The following CAMK1D variants were observed in gnomAD, a reference collection of about 807,000 sequenced individuals.
The protein encoded by CAMK1D is calcium/calmodulin-dependent protein kinase type 1D.
Under a neutral mutation model 47.7 loss-of-function variants are expected in CAMK1D, and 9 were observed. That is an observed-to-expected ratio of 0.19 (90% CI 0.11 to 0.33). The LOEUF is 0.33. Ranked by LOEUF, CAMK1D falls within the 10% of genes least tolerant of loss-of-function variation. The pLI, the probability that CAMK1D is intolerant of heterozygous loss-of-function variation, is 1.00. For missense variants in CAMK1D, 291 were observed against 488.7 expected (o/e 0.60, Z 3.81); for synonymous variants, 184 against 184.9 (o/e 0.99, Z 0.04).
intron 9 of CAMK1D, 21 bp downstream of exon 9, chr10:12,824,573 A>T: frequency 6.3e-7 from 1 of 1,596,006 alleles, no homozygotes. Context: ...AGTATATGAA[A>T]TTCCCCGTGG....
At chr10:12,611,019 A>T (rs1838602477) in intron 2 of CAMK1D, among the ~76,000 whole-genome samples, 1 of 152,206 alleles carries the variant, frequency 6.6e-6, no homozygotes. Context: ...TATTCAACCA[A>T]GTAACAAACC....
At chr10:12,381,032 A>G (rs978856164) in intron 1 of CAMK1D, among the ~76,000 whole-genome samples, 1 of 152,246 alleles carries the variant, frequency 6.6e-6, no homozygotes, top group Non-Finnish European at 1.5e-5. Flanking sequence ...AGTAGCTTGT[A>G]CATTTTTATG....
chr10:12,639,451 C>T (rs1839607004), intron 2 of CAMK1D, among the ~76,000 whole-genome samples: 1 of 152,190 alleles, frequency 6.6e-6, no homozygotes, highest in Admixed American at 6.5e-5. Context: ...CGCCATCGCA[C>T]TCCAGCTTGG....
chr10:12,616,191 C>T (rs989104522), intron 2 of CAMK1D, among the ~76,000 whole-genome samples: 1 of 151,964 alleles, frequency 6.6e-6, no homozygotes, highest in Non-Finnish European at 1.5e-5. Flanking sequence ...TGAGTGTGCA[C>T]ATGTGTGTTT....
intron 1 of CAMK1D, among the ~76,000 whole-genome samples, chr10:12,454,123 T>C (rs957140349): frequency 2.0e-5 from 3 of 152,198 alleles, no homozygotes; most frequent in Non-Finnish European, 4.4e-5. Flanking sequence ...TACTATATTA[T>C]GTGGACAGCA....
At chr10:12,362,907 T>A (rs1438729872) in intron 1 of CAMK1D, among the ~76,000 whole-genome samples, 1 of 151,084 alleles carries the variant, frequency 6.6e-6, no homozygotes, top group Non-Finnish European at 1.5e-5. Flanking sequence ...GCCTCCCACA[T>A]TGCTGGGATT....
chr10:12,696,839 ATG>A (rs143577472), intron 3 of CAMK1D, among the ~76,000 whole-genome samples: 2,165 of 152,318 alleles, frequency 0.014, 43 homozygotes, highest in African/African-American at 0.049. Context: ...GCTTATGAAG[ATG>A]TGTCAGTTTT....
intron 1 of CAMK1D, among the ~76,000 whole-genome samples, chr10:12,507,054 C>T (rs192293299): frequency 1.4e-4 from 22 of 152,276 alleles, no homozygotes; most frequent in African/African-American, 5.1e-4. Flanking sequence ...TTGGGTTGTT[C>T]GTTGGAATGC....
chr10:12,449,984 C>T (rs1199302453), intron 1 of CAMK1D, among the ~76,000 whole-genome samples: 1 of 151,876 alleles, frequency 6.6e-6, no homozygotes, highest in African/African-American at 2.4e-5. Context: ...GGCGACAGAG[C>T]GAGACTCCAT....
intron 6 of CAMK1D, among the ~76,000 whole-genome samples, chr10:12,801,380 A>ATCTG (rs1476835558): frequency 1.6e-4 from 24 of 147,186 alleles, no homozygotes; most frequent in Admixed American, 1.6e-3. Context: ...CTATCTATCT[A>ATCTG]TCTATCTATC....
At chr10:12,799,986 C>G (rs1838357772) in intron 6 of CAMK1D, among the ~76,000 whole-genome samples, 1 of 152,104 alleles carries the variant, frequency 6.6e-6, no homozygotes. Flanking sequence ...TCCTAATCTG[C>G]TTACTCCTTC....
intron 2 of CAMK1D, among the ~76,000 whole-genome samples, chr10:12,563,600 C>T (rs1837014995): frequency 6.6e-6 from 1 of 150,950 alleles, no homozygotes; most frequent in Non-Finnish European, 1.5e-5. Context: ...TTATCCATTA[C>T]ATTGACCAAG....
intron 1 of CAMK1D, among the ~76,000 whole-genome samples, chr10:12,486,182 A>C (rs1834208499): frequency 6.7e-6 from 1 of 148,718 alleles, no homozygotes; most frequent in Admixed American, 6.7e-5. Context: ...TTTTTGAGAC[A>C]GAGTCTCGCT....
At chr10:12,422,117 C>T (rs1269981093) in intron 1 of CAMK1D, among the ~76,000 whole-genome samples, 3 of 152,104 alleles carry the variant, frequency 2.0e-5, no homozygotes, top group Non-Finnish European at 2.9e-5. Flanking sequence ...TCTTGGGACA[C>T]TTTTTGATAG....
intron 1 of CAMK1D, among the ~76,000 whole-genome samples, chr10:12,491,888 G>A (rs1834394658): frequency 6.6e-6 from 1 of 152,124 alleles, no homozygotes; most frequent in Non-Finnish European, 1.5e-5. Context: ...CCGGGTTCAA[G>A]TGATTCTCCT....
chr10:12,386,164 C>T (rs1838488602), intron 1 of CAMK1D, among the ~76,000 whole-genome samples: 1 of 152,170 alleles, frequency 6.6e-6, no homozygotes, highest in Non-Finnish European at 1.5e-5. Flanking sequence ...TAGAGCCAAG[C>T]GTGATGGCTC....
At chr10:12,394,715 C>T (rs550512143) in intron 1 of CAMK1D, among the ~76,000 whole-genome samples, 8 of 152,112 alleles carry the variant, frequency 5.3e-5, no homozygotes, top group African/African-American at 1.9e-4. Context: ...CAGTGGGAAA[C>T]CAGGTTAGAA....
chr10:12,614,847 C>A (rs1246758774), intron 2 of CAMK1D, among the ~76,000 whole-genome samples: 1 of 152,178 alleles, frequency 6.6e-6, no homozygotes, highest in Non-Finnish European at 1.5e-5. Flanking sequence ...TGAGTACCAG[C>A]CATACCAGCT....
At chr10:12,594,395 G>A (rs1170854174) in intron 2 of CAMK1D, among the ~76,000 whole-genome samples, 1 of 152,198 alleles carries the variant, frequency 6.6e-6, no homozygotes, top group Non-Finnish European at 1.5e-5. Flanking sequence ...TGTGATCCTT[G>A]TTTTTATAGG....
Sources: gnomAD v4.1 joint callset for allele counts (sites outside exome capture counted in the v4.1 genomes callset) on GRCh38, gnomAD v4.1.1 for gene constraint, MANE v1.5 for transcripts, NCBI Gene and HGNC (gene_info 2026-07-23, HGNC 2026-07-21) for gene names.